RNF115: variants seen among roughly 807,000 people sequenced by gnomAD.
RNF115 encodes the protein E3 ubiquitin-protein ligase RNF115.
A neutral mutation model predicts 39.2 loss-of-function variants in RNF115; 31 were observed. The ratio of observed to expected loss-of-function variants is 0.79; its 90% CI spans 0.59 to 1.07. The LOEUF (loss-of-function observed/expected upper bound fraction) is 1.07. RNF115 is among the 50% of genes least tolerant of loss of function. The pLI is 0.00. For missense variants in RNF115, 384 were observed against 381.7 expected (o/e 1.01, Z -0.05); for synonymous variants, 124 against 131.0 (o/e 0.95, Z 0.37).
At chr1:145,758,569 C>T (rs1294486403) in intron 4 of RNF115, among the ~76,000 whole-genome samples, 1 of 152,086 alleles carries the variant, frequency 6.6e-6, no homozygotes, top group Non-Finnish European at 1.5e-5. Context: ...TAATATATAC[C>T]CACCTATTTG....
Position 145,740,788 on chromosome 1 carries a change from T to C in RNF115, c.*6078A>G, listed in dbSNP as rs587740283. 54 of 152,392 alleles carry C rather than the reference T, an allele frequency of 3.5e-4. No homozygotes were observed. Among genetic ancestry groups the C allele is most frequent in the Admixed American group, 2.8e-3 (43 of 15,304 alleles). The allele number at this position is 152,392 out of a possible 1,614,324, so 9.4% of individuals were successfully genotyped here. A position where few individuals can be genotyped will look rare whatever the true frequency, so the allele number is the denominator to read the frequency against. On this transcript the variant is annotated 3_prime_UTR_variant, in exon 9 of 9. Coordinates refer to ENST00000582693, the MANE Select transcript of RNF115 (RefSeq NM_014455.4). ...TAGCAGCTTTTTGTTATGTATTCTTTAATCAAAAATACTAATAATATGGCT... is the reference window on the plus strand; with the variant it reads ...TAGCAGCTTTTTGTTATGTATTCTTCAATCAAAAATACTAATAATATGGCT...
In RNF115 at chr1:145,744,815, C is replaced by T. The variant is rs1342154494; in HGVS notation, c.*2051G>A. ...CAGTTGTTCTATGTCCCCATCATTTCCTTTTGAGACCTTGAAGTTTCAACA... is the reference window on the plus strand; with the variant it reads ...CAGTTGTTCTATGTCCCCATCATTTTCTTTTGAGACCTTGAAGTTTCAACA... On this transcript the variant is annotated 3_prime_UTR_variant, in exon 9 of 9. Transcript: ENST00000582693. 6.6e-6 allele frequency: 1 copy of T among 152,138 alleles called. No individual in the cohort carries two copies. Among genetic ancestry groups the T allele is most frequent in the Non-Finnish European group, 1.5e-5 (1 of 68,030 alleles). The allele number at this position is 152,138 out of a possible 1,614,324, so 9.4% of individuals were successfully genotyped here. A position where few individuals can be genotyped will look rare whatever the true frequency, so the allele number is the denominator to read the frequency against.
At chr1:145,815,357 T>A (rs1649942693) in intron 1 of RNF115, among the ~76,000 whole-genome samples, 1 of 152,280 alleles carries the variant, frequency 6.6e-6, no homozygotes. Context: ...CATCTGGATT[T>A]AGGAAGATAC....
At chr1:145,763,242 G>A (rs151124689) in intron 4 of RNF115, among the ~76,000 whole-genome samples, 69 of 152,238 alleles carry the variant, frequency 4.5e-4, no homozygotes, top group African/African-American at 1.3e-3. Context: ...TTAAAAGAAC[G>A]TATTATTTAG....
intron 1 of RNF115, among the ~76,000 whole-genome samples, chr1:145,814,251 C>T (rs1649876517): frequency 6.6e-6 from 1 of 151,892 alleles, no homozygotes; most frequent in African/African-American, 2.4e-5. Flanking sequence ...CAAAGTCAGA[C>T]TCTGTCTCCA....
In RNF115 at chr1:145,756,831, C is replaced by CTTTTTT. The variant is rs142073195; in HGVS notation, c.429-3788_429-3783dup. On this transcript the variant is annotated intron_variant, in intron 4 of 8. Coordinates refer to ENST00000582693, the MANE Select transcript of RNF115 (RefSeq NM_014455.4). ...GTGTTCATGTCCAAATTTCTAGCTTCTTTTTTTTTTTTTTTTTTTTTTTTT... is the reference window on the plus strand; with the variant it reads ...GTGTTCATGTCCAAATTTCTAGCTTCTTTTTTTTTTTTTTTTTTTTTTTTTTTTTTT... Among the ~76,000 whole-genome samples the CTTTTTT allele has an allele frequency of 4.9e-4, 33 of 67,866 alleles. 1 individual carries two copies. Among genetic ancestry groups the CTTTTTT allele is most frequent in the African/African-American group, 1.3e-3 (20 of 15,738 alleles). 44.5% of individuals were successfully genotyped at this position (67,866 alleles called of 152,430 possible).
chr1:145,791,140 T>C (rs1228231490), intron 1 of RNF115, among the ~76,000 whole-genome samples: 1 of 146,056 alleles, frequency 6.8e-6, no homozygotes, highest in Non-Finnish European at 1.5e-5. Flanking sequence ...AGACTCTGTC[T>C]CAAAAAAAAA....
chr1:145,759,414 T>C (rs1299377947), intron 4 of RNF115, among the ~76,000 whole-genome samples: 1 of 152,188 alleles, frequency 6.6e-6, no homozygotes, highest in Non-Finnish European at 1.5e-5. Context: ...CCCATGTCAG[T>C]GGATGGTGGC....
Position 145,808,197 on chromosome 1 carries a change from G to A in RNF115, c.102+15575C>T, listed in dbSNP as rs587707507. Among the ~76,000 whole-genome samples, 5 of 152,138 alleles carry A rather than the reference G, an allele frequency of 3.3e-5. No individual in the cohort carries two copies. The East Asian group carries it at 9.7e-4, about 29-fold the overall frequency. On this transcript the variant is annotated intron_variant, in intron 1 of 8. Transcript: ENST00000582693. ...TGATATACTGATTTCTTTTCCTCTGGATAACTACCCAGTAGCGGGATTGCT... is the reference window on the plus strand; with the variant it reads ...TGATATACTGATTTCTTTTCCTCTGAATAACTACCCAGTAGCGGGATTGCT...
At chr1:145,802,174 A>C (rs587672571) in intron 1 of RNF115, among the ~76,000 whole-genome samples, 1 of 152,290 alleles carries the variant, frequency 6.6e-6, no homozygotes, top group Admixed American at 6.5e-5. Flanking sequence ...ACAGGAACCC[A>C]ACTGTTTCCA....
intron 6 of RNF115, 98 bp from the exon 7 acceptor site, chr1:145,750,598 G>C (rs1658043491): frequency 1.2e-6 from 1 of 866,872 alleles, no homozygotes; most frequent in African/African-American, 1.7e-5. Context: ...CAGACATTAG[G>C]TATGTTAGTT....
At chr1:145,818,061 A>G (rs1650068197) in intron 1 of RNF115, among the ~76,000 whole-genome samples, 1 of 151,148 alleles carries the variant, frequency 6.6e-6, no homozygotes, top group Non-Finnish European at 1.5e-5. Flanking sequence ...CACAATAAAC[A>G]TACAAGTGCA....
Position 145,741,443 on chromosome 1 carries a change from A to G in RNF115, c.*5423T>C, listed in dbSNP as rs1458927392. The G allele has an allele frequency of 6.6e-6, 1 of 152,226 alleles. No individual in the cohort carries two copies. Among genetic ancestry groups the G allele is most frequent in the African/African-American group, 2.4e-5 (1 of 41,440 alleles). The allele number at this position is 152,226 out of a possible 1,614,324, so 9.4% of individuals were successfully genotyped here. On this transcript the variant is annotated 3_prime_UTR_variant, in exon 9 of 9. Coordinates refer to ENST00000582693, the MANE Select transcript of RNF115 (RefSeq NM_014455.4). Reference sequence around the variant, plus strand: ...CTCTATTTTGATCCTGGAAAGCATCACCAGCTGTATACATTGTATTCTATG... The same window carrying G: ...CTCTATTTTGATCCTGGAAAGCATCGCCAGCTGTATACATTGTATTCTATG...
At chr1:145,814,449 G>C (rs1234078183) in intron 1 of RNF115, among the ~76,000 whole-genome samples, 1 of 151,798 alleles carries the variant, frequency 6.6e-6, no homozygotes, top group East Asian at 1.9e-4. Flanking sequence ...CAGGCGTGGT[G>C]GCAGGCACCT....
In RNF115 at chr1:145,750,455, C is replaced by T; in HGVS notation, c.619G>A (p.Glu207Lys). The change falls in exon 7 of 9, where the codon GAA (glutamate) becomes AAA (lysine). Residue 207 changes from glutamate to lysine, a missense_variant. By Grantham distance (56) the Glu-to-Lys change is moderately conservative. Coordinates refer to ENST00000582693, the MANE Select transcript of RNF115 (RefSeq NM_014455.4). ...ACTGTTGGAAGAGATGTGATCTTTT[C>T]CTTGTCAGCTGGGGGAGGGCCTGTG... ...ENTGPPPADK[E>K]KITSLPTVTV... The T allele has an allele frequency of 6.2e-7, 1 of 1,613,998 alleles. No homozygotes were observed. Among genetic ancestry groups the T allele is most frequent in the Non-Finnish European group, 8.5e-7 (1 of 1,179,966 alleles).
At position 145,815,524 on chromosome 1, in the gene RNF115, G is replaced by A. The variant is rs1162822057; in HGVS notation, c.102+8248C>T. 4.6e-5 allele frequency among the ~76,000 whole-genome samples: 7 copies of A among 152,368 alleles called. No homozygotes were observed. In the East Asian group the frequency reaches 5.8e-4, roughly 13 times the overall value. On this transcript the variant is annotated intron_variant, in intron 1 of 8. Coordinates refer to ENST00000582693, the MANE Select transcript of RNF115 (RefSeq NM_014455.4). ...TGACCTTGATTTAATGGGGAAAGAC[G>A]GATGGTAGGGTGTAGGAATGGAATA...
At chr1:145,751,550 C>A in intron 5 of RNF115, 40 bp from the exon 6 acceptor site, 1 of 1,451,840 alleles carries the variant, frequency 6.9e-7, no homozygotes, top group Non-Finnish European at 9.5e-7. Context: ...GATGGAGTGA[C>A]CAGGCTCTGC....
At chr1:145,806,249 G>A (rs1339987654) in intron 1 of RNF115, among the ~76,000 whole-genome samples, 1 of 152,182 alleles carries the variant, frequency 6.6e-6, no homozygotes, top group Non-Finnish European at 1.5e-5. Flanking sequence ...TCAGGAAGCT[G>A]AAGCAGGAGA....
At chr1:145,754,317 T>C (rs1553712884) in intron 4 of RNF115, among the ~76,000 whole-genome samples, 5 of 151,728 alleles carry the variant, frequency 3.3e-5, no homozygotes, top group Non-Finnish European at 7.4e-5. Context: ...AAATCTACTC[T>C]CTCAGCAATT....
Sources: gnomAD v4.1 joint callset for allele counts (sites outside exome capture counted in the v4.1 genomes callset) on GRCh38, gnomAD v4.1.1 for gene constraint, MANE v1.5 for transcripts, NCBI Gene and HGNC (gene_info 2026-07-23, HGNC 2026-07-21) for gene names.